CAPN12: variants seen among roughly 807,000 people sequenced by gnomAD.
The protein encoded by CAPN12 is calpain 12.
Under a neutral mutation model 95.0 loss-of-function variants are expected in CAPN12, and 107 were observed. The observed-to-expected ratio is 1.13, with a 90% CI of 0.96 to 1.32. The LOEUF is 1.32. Ranked by LOEUF, CAPN12 falls within the 40% of genes most tolerant of loss-of-function variation. CAPN12 has a pLI of 0.00. For missense variants in CAPN12, 1,136 were observed against 997.8 expected, an observed-to-expected ratio of 1.14 and a Z score of -1.87; for synonymous variants, 505 against 415.5, an observed-to-expected ratio of 1.22 and a Z score of -2.62.
In CAPN12 at chr19:38,736,409, C is replaced by A. The variant is rs1474598809; in HGVS notation, c.1375-91G>T. 3 of 1,515,790 alleles carry A rather than the reference C, an allele frequency of 2.0e-6. No homozygotes were observed. In the African/African-American group the frequency reaches 4.2e-5, roughly 21 times the overall value. 93.9% of individuals were successfully genotyped at this position (1,515,790 alleles called of 1,614,324 possible). A position where few individuals can be genotyped will look rare whatever the true frequency, so the allele number is the denominator to read the frequency against. ...GCGCGCCCCGTCCACCCTGCCTAAC[C>A]CCTGTCCACGCCTCCCCTGCCCCCG... On this transcript the variant is annotated intron_variant, in intron 11 of 20. Transcript: ENST00000328867.
rs774046451 is a variant in CAPN12, at chr19:38,737,544, A to G, written c.1060T>C (p.Trp354Arg). The change falls in exon 9 of 21, where the codon TGG becomes CGG. Residue 354 changes from tryptophan to arginine, a missense_variant. By Grantham distance (101) the Trp-to-Arg change is moderately radical. Coordinates refer to ENST00000328867, the MANE Select transcript of CAPN12 (RefSeq NM_144691.4). ...VLGPSPEGGG[W>R]HVHTFQGRWV... ...CGGCCTTGGAAGGTGTGGACGTGCC[A>G]GCCGCCCCCCTCCGGGCTGGGGCCC... 1 of 1,612,406 alleles carries G rather than the reference A, an allele frequency of 6.2e-7. No homozygotes were observed. The highest frequency in any genetic ancestry group is 1.1e-5 in the South Asian group (1 of 91,044).
intron 18 of CAPN12, among the ~76,000 whole-genome samples, chr19:38,732,199 C>CTGCCACCTGCTGTGAGTCCTTGCTCCCT (rs1969671884): frequency 6.6e-6 from 1 of 152,268 alleles, no homozygotes; most frequent in Non-Finnish European, 1.5e-5. Context: ...AGCCTGCCAC[C>CTGCCACCTGCTGTGAGTCCTTGCTCCCT]TGCCACCTGC....
At chr19:38,734,716 G>GCA (rs1205337951) in intron 15 of CAPN12, 97 bp downstream of exon 15, 2 of 1,144,436 alleles carry the variant, frequency 1.7e-6, no homozygotes, top group African/African-American at 3.1e-5. Context: ...CCAACTCCCA[G>GCA]CAGCGCGGTG....
Position 38,743,266 on chromosome 19 carries a change from C to A in CAPN12, c.238-164G>T, listed in dbSNP as rs549557990. 5.2e-5 allele frequency: 37 copies of A among 706,426 alleles called. No homozygotes were observed. The African/African-American group carries it at 5.5e-4, about 11-fold the overall frequency. The allele number at this position is 706,426 out of a possible 1,614,324, so 43.8% of individuals were successfully genotyped here. ...TGTGCTGAGCCAGTCCCATGGTAGC[C>A]CCCTCCTCCCTCAGACCCGGGAGTC... On this transcript the variant is annotated intron_variant, in intron 1 of 20. Coordinates refer to ENST00000328867, the MANE Select transcript of CAPN12 (RefSeq NM_144691.4).
Position 38,730,499 on chromosome 19 carries a change from G to C in CAPN12, c.*353C>G, listed in dbSNP as rs947306213. ...CTGGATAAACCACCCTCTGGGGACA[G>C]GATAATAAAACATGTAATATTTTTA... On this transcript the variant is annotated 3_prime_UTR_variant, in exon 21 of 21. Transcript: ENST00000328867. 9 of 325,176 alleles carry C rather than the reference G, an allele frequency of 2.8e-5. No homozygotes were observed. The highest frequency in any genetic ancestry group is 1.9e-4 in the African/African-American group (9 of 47,462). The allele number at this position is 325,176 out of a possible 1,614,324, so 20.1% of individuals were successfully genotyped here.
In CAPN12 at chr19:38,741,782, G is replaced by A. The variant is rs751875254; in HGVS notation, c.555C>T (p.Tyr185=). 6.1e-5 allele frequency: 99 copies of A among 1,613,828 alleles called. No homozygotes were observed. Among genetic ancestry groups the A allele is most frequent in the Admixed American group, 5.8e-4 (35 of 59,994 alleles). The part of the protein sequence containing the change: ...EFWAPLLEKA[Y]AKLHGSYEVM... ...GTTGGAACTGGGGTCCTCACTTGGCGTAGGCCTTCTCCAGGAGTGGGGCCC... is the reference window on the plus strand; with the variant it reads ...GTTGGAACTGGGGTCCTCACTTGGCATAGGCCTTCTCCAGGAGTGGGGCCC... The change falls in exon 4 of 21, where the codon TAC becomes TAT. Residue 185 remains tyrosine (Y), a synonymous_variant. Coordinates refer to ENST00000328867, the MANE Select transcript of CAPN12 (RefSeq NM_144691.4).
At position 38,730,559 on chromosome 19, in the gene CAPN12, C is replaced by G; in HGVS notation, c.*293G>C. 1 of 492,784 alleles carries G rather than the reference C, an allele frequency of 2.0e-6. No individual in the cohort carries two copies. The highest frequency in any genetic ancestry group is 3.2e-5 in the South Asian group (1 of 31,240). The allele number at this position is 492,784 out of a possible 1,614,324, so 30.5% of individuals were successfully genotyped here. On this transcript the variant is annotated 3_prime_UTR_variant, in exon 21 of 21. Coordinates refer to ENST00000328867, the MANE Select transcript of CAPN12 (RefSeq NM_144691.4). Reference sequence around the variant, plus strand: ...CCTGCAGCATCATCTTTTTTTATTTCTCCTGTGTCTGTCCTCCACCTTCTA... The same window carrying G: ...CCTGCAGCATCATCTTTTTTTATTTGTCCTGTGTCTGTCCTCCACCTTCTA...
chr19:38,731,051 C>T, intron 19 of CAPN12, 28 bp from the exon 20 acceptor site: 1 of 1,558,860 alleles, frequency 6.4e-7, no homozygotes, highest in Non-Finnish European at 8.7e-7. Context: ...GGGTGAGTGC[C>T]CACCAGTCCC....
rs561327362 is a variant in CAPN12 at position 38,742,264 on chromosome 19, G to A, written c.426+146C>T. ...TGCTTGAACCTGGGGGCGGGGCGAA[G>A]GTTGCAGTGAGCCGAGATTGTGCCA... is the stretch of plus-strand genomic sequence containing the variant. On this transcript the variant is annotated intron_variant, in intron 3 of 20. Transcript: ENST00000328867. The A allele has an allele frequency of 1.0e-5, 7 of 699,492 alleles. No homozygotes were observed. The South Asian group carries it at 1.2e-4, about 12-fold the overall frequency. The allele number at this position is 699,492 out of a possible 1,614,324, so 43.3% of individuals were successfully genotyped here. A position where few individuals can be genotyped will look rare whatever the true frequency, so the allele number is the denominator to read the frequency against.
Position 38,730,548 on chromosome 19 carries a change from T to A in CAPN12, c.*304A>T, listed in dbSNP as rs189647876. 8.3e-4 allele frequency: 387 copies of A among 466,558 alleles called. 2 individuals are homozygous for A. The highest frequency in any genetic ancestry group is 5.1e-3 in the Middle Eastern group (9 of 1,754). 28.9% of individuals were successfully genotyped at this position (466,558 alleles called of 1,614,324 possible). ...TAAGAAGGATTCCTGCAGCATCATC[T>A]TTTTTTATTTCTCCTGTGTCTGTCC... On this transcript the variant is annotated 3_prime_UTR_variant, in exon 21 of 21. Transcript: ENST00000328867.
In CAPN12 at chr19:38,736,269, A is replaced by G; in HGVS notation, c.1424T>C (p.Leu475Pro). The change falls in exon 12 of 21, where the codon CTG (leucine) becomes CCG (proline). Residue 475 changes from leucine (L) to proline (P), a missense_variant. By Grantham distance (98) the Leu-to-Pro change is moderately conservative. Transcript: ENST00000328867. ...SPRSHALLPRLLRADRSPLSA... is the reference protein window; with the variant it reads ...SPRSHALLPRPLRADRSPLSA... Reference sequence around the variant, plus strand: ...GAGGGGCGAGCGGTCGGCGCGCAGCAGCCGGGGCAGGAGCGCATGGCTGCG... The same window carrying G: ...GAGGGGCGAGCGGTCGGCGCGCAGCGGCCGGGGCAGGAGCGCATGGCTGCG... 1 of 1,457,566 alleles carries G rather than the reference A, an allele frequency of 6.9e-7. No homozygotes were observed. Among genetic ancestry groups the G allele is most frequent in the Non-Finnish European group, 9.0e-7 (1 of 1,114,176 alleles). The allele number at this position is 1,457,566 out of a possible 1,614,324, so 90.3% of individuals were successfully genotyped here.
chr19:38,741,916 G>T lies in CAPN12; in HGVS notation c.427-6C>A, dbSNP rs372439748. ...CAGCGGCCAAACTGCCAGAGCTGGT[G>T]GGAGAAGATGCAGGGCCGGACTCGG... On this transcript the variant is annotated splice_region_variant and splice_polypyrimidine_tract_variant and intron_variant, in intron 3 of 20. Transcript: ENST00000328867. 6.2e-7 allele frequency: 1 copy of T among 1,613,312 alleles called. No homozygotes were observed. The highest frequency in any genetic ancestry group is 2.2e-5 in the East Asian group (1 of 44,888).
chr19:38,733,422 C>A lies in CAPN12; in HGVS notation c.1957+281G>T. 3 of 443,260 alleles carry A rather than the reference C, an allele frequency of 6.8e-6. No individual in the cohort carries two copies. The South Asian group carries it at 1.0e-4, about 15-fold the overall frequency. The allele number at this position is 443,260 out of a possible 1,614,324, so 27.5% of individuals were successfully genotyped here. The stretch of plus-strand genomic sequence containing the variant: ...ACCCTCTCAGATACCAGCTCCTAAT[C>A]TTCCCCTTCCTGGAGGGGCCTCTCC... On this transcript the variant is annotated intron_variant, in intron 18 of 20. Transcript: ENST00000328867.
At chr19:38,742,631 T>C (rs1970615936) in intron 2 of CAPN12, 103 bp from the exon 3 acceptor site, 2 of 768,590 alleles carry the variant, frequency 2.6e-6, no homozygotes, top group Middle Eastern at 3.4e-4. Context: ...GGCAGAAAGA[T>C]CACGTGAGCC....
chr19:38,734,772 G>T, intron 15 of CAPN12, 41 bp downstream of exon 15: 1 of 1,594,430 alleles, frequency 6.3e-7, no homozygotes, highest in Non-Finnish European at 8.6e-7. Context: ...CAGGACCCCT[G>T]GCTAAGACCC....
In CAPN12 at chr19:38,741,866, C is replaced by G. The variant is rs1173751878; in HGVS notation, c.471G>C (p.Arg157Ser). The G allele has an allele frequency of 1.9e-6, 3 of 1,614,078 alleles. No homozygotes were observed. The highest frequency in any genetic ancestry group is 8.5e-7 in the Non-Finnish European group (1 of 1,180,028). The change falls in exon 4 of 21, where the codon AGG (arginine) becomes AGC (serine). Residue 157 changes from arginine (R) to serine (S), a missense_variant. Arg to Ser is a moderately radical substitution (Grantham distance 110, BLOSUM62 -1). Transcript: ENST00000328867. ...TCAGCTTCCCCTCACGCACGGGCAG[C>G]CTGTCATCCACCACGACGTCCATCC... ...GRWMDVVVDD[R>S]LPVREGKLMF...
At chr19:38,738,530 A>T in intron 6 of CAPN12, 27 bp from the exon 7 acceptor site, 1 of 1,613,714 alleles carries the variant, frequency 6.2e-7, no homozygotes, top group African/African-American at 1.3e-5. Context: ...AGTGGGGGTG[A>T]TGCCTGGACA....
Position 38,744,228 on chromosome 19 carries a change from C to A in CAPN12, c.-63G>T. 1 of 1,493,668 alleles carries A rather than the reference C, an allele frequency of 6.7e-7. No homozygotes were observed. The highest frequency in any genetic ancestry group is 9.3e-7 in the Non-Finnish European group (1 of 1,077,358). The allele number at this position is 1,493,668 out of a possible 1,614,324, so 92.5% of individuals were successfully genotyped here. Reference sequence around the variant, plus strand: ...AACCTCCTGAGTCACGGGGGCGGGGCCTCTCTTCCATTGGAGCCCCAGTGG... The same window carrying A: ...AACCTCCTGAGTCACGGGGGCGGGGACTCTCTTCCATTGGAGCCCCAGTGG... On this transcript the variant is annotated 5_prime_UTR_variant, in exon 1 of 21. Coordinates refer to ENST00000328867, the MANE Select transcript of CAPN12 (RefSeq NM_144691.4).
chr19:38,743,879 C>G, intron 1 of CAPN12, 50 bp downstream of exon 1: 1 of 1,569,266 alleles, frequency 6.4e-7, no homozygotes, highest in Non-Finnish European at 8.7e-7. Flanking sequence ...TCCATGCCTC[C>G]AGCCCCTCCT....
Sources: allele counts gnomAD v4.1 joint callset (sites outside exome capture counted in the v4.1 genomes callset), GRCh38; gene constraint gnomAD v4.1.1; transcripts MANE v1.5; gene names NCBI Gene and HGNC (gene_info 2026-07-23, HGNC 2026-07-21).